The following CPT1A variants were observed in gnomAD, a reference collection of about 807,000 sequenced individuals.
CPT1A encodes carnitine O-palmitoyltransferase 1, liver isoform.
CPT1A carries 64 observed loss-of-function variants against 100.8 expected under a neutral mutation model. The ratio of observed to expected loss-of-function variants is 0.63; its 90% CI spans 0.52 to 0.78. CPT1A has a LOEUF of 0.78. Ranked by LOEUF, CPT1A falls within the 30% of genes least tolerant of loss-of-function variation. The pLI, the probability that CPT1A is intolerant of heterozygous loss-of-function variation, is 0.00. For missense variants in CPT1A, 802 were observed against 1,034.1 expected, an observed-to-expected ratio of 0.78 and a Z score of 3.08; for synonymous variants, 363 against 396.0, an observed-to-expected ratio of 0.92 and a Z score of 0.99.
chr11:68,784,694 A>G (rs1855404217), intron 10 of CPT1A, 121 bp downstream of exon 10: 2 of 971,692 alleles, frequency 2.1e-6, no homozygotes, highest in Non-Finnish European at 3.1e-6. Flanking sequence ...CCAGAGAAAA[A>G]CAGAGCCGAG....
At chr11:68,805,642 G>A (rs1055817000) in intron 4 of CPT1A, among the ~76,000 whole-genome samples, 1 of 152,144 alleles carries the variant, frequency 6.6e-6, no homozygotes, top group Non-Finnish European at 1.5e-5. Context: ...GGTCGGGGCA[G>A]ACAAGAAACC....
intron 14 of CPT1A, among the ~76,000 whole-genome samples, chr11:68,771,878 T>C (rs1854998562): frequency 6.6e-6 from 1 of 152,172 alleles, no homozygotes; most frequent in Non-Finnish European, 1.5e-5. Flanking sequence ...GAAAACAAGA[T>C]TTTCTGAGGC....
rs1388757542 is a variant in CPT1A at position 68,810,442 on chromosome 11, CTTT to C, written c.281+1992_281+1994del. On this transcript the variant is annotated intron_variant, in intron 3 of 18. Transcript: ENST00000265641. ...ATGCTTCTGCTAAAATGACTGGGAA[CTTT>C]TATTATGTTTCTTGCAGACTCTTAT... Among the ~76,000 whole-genome samples, 4 of 152,124 alleles carry C rather than the reference CTTT, an allele frequency of 2.6e-5. No homozygotes were observed. The East Asian group carries it at 7.7e-4, about 29-fold the overall frequency.
At chr11:68,842,927 G>T (rs1403244366), upstream of CPT1A, among the ~76,000 whole-genome samples, 1 of 152,228 alleles carries the variant, frequency 6.6e-6, no homozygotes, top group Non-Finnish European at 1.5e-5. Context: ...TCTGCATACA[G>T]CAGGTGCTCC....
At position 68,765,571 on chromosome 11, in the gene CPT1A, A is replaced by G. The variant is rs187567263; in HGVS notation, c.1741-2810T>C. The stretch of plus-strand genomic sequence containing the variant: ...GGCATCACACACTAGCACTGTTACT[A>G]TGGGGCTAATGATTCAGGTTGGTAG... On this transcript the variant is annotated intron_variant, in intron 14 of 18. Transcript: ENST00000265641. Among the ~76,000 whole-genome samples, 33 of 152,320 alleles carry G rather than the reference A, an allele frequency of 2.2e-4. No individual in the cohort carries two copies. In the East Asian group the frequency reaches 4.0e-3, roughly 19 times the overall value.
chr11:68,835,419 A>C (rs1856985734), intron 1 of CPT1A, among the ~76,000 whole-genome samples: 1 of 152,242 alleles, frequency 6.6e-6, no homozygotes. Context: ...TTTGCACAGA[A>C]TATAACAACT....
At chr11:68,791,004 A>G (rs1470003457) in intron 9 of CPT1A, among the ~76,000 whole-genome samples, 1 of 151,892 alleles carries the variant, frequency 6.6e-6, no homozygotes, top group Non-Finnish European at 1.5e-5. Flanking sequence ...TTGTATTTTC[A>G]GTAGAGATGG....
intron 5 of CPT1A, among the ~76,000 whole-genome samples, chr11:68,800,242 A>G (rs952669133): frequency 6.6e-6 from 1 of 152,164 alleles, no homozygotes; most frequent in Admixed American, 6.6e-5. Flanking sequence ...GTCCTTTTAC[A>G]TGTGCTACTT....
chr11:68,771,520 G>C (rs949837803), intron 14 of CPT1A, among the ~76,000 whole-genome samples: 2 of 152,102 alleles, frequency 1.3e-5, no homozygotes, highest in African/African-American at 4.8e-5. Context: ...TTAATCACAT[G>C]ATCTTTAGTC....
chr11:68,771,334 G>A (rs1231123664), intron 14 of CPT1A, among the ~76,000 whole-genome samples: 1 of 152,126 alleles, frequency 6.6e-6, no homozygotes, highest in Non-Finnish European at 1.5e-5. Flanking sequence ...TACTTGCAGG[G>A]AATTCTTTTA....
intron 1 of CPT1A, among the ~76,000 whole-genome samples, chr11:68,817,757 G>T (rs1337560264): frequency 6.7e-6 from 1 of 148,528 alleles, no homozygotes; most frequent in Non-Finnish European, 1.5e-5. Context: ...TGTTGGGGGG[G>T]GGTCAGTGGC....
chr11:68,774,119 A>C (rs1734433429), intron 13 of CPT1A, among the ~76,000 whole-genome samples: 1 of 152,222 alleles, frequency 6.6e-6, no homozygotes, highest in Non-Finnish European at 1.5e-5. Context: ...CTCGCACTTA[A>C]TCTCCCAAGT....
chr11:68,791,340 G>A (rs533820151), intron 9 of CPT1A, among the ~76,000 whole-genome samples: 1 of 152,166 alleles, frequency 6.6e-6, no homozygotes, highest in Non-Finnish European at 1.5e-5. Context: ...TCCAATCAGG[G>A]AGACACTGTG....
intron 1 of CPT1A, among the ~76,000 whole-genome samples, chr11:68,823,682 G>A (rs368882663): frequency 2.0e-5 from 3 of 151,936 alleles, no homozygotes; most frequent in South Asian, 2.1e-4. Flanking sequence ...CCAGCTACTC[G>A]GGAGGCCAAG....
chr11:68,763,795 G>A (rs1466474546), intron 14 of CPT1A, among the ~76,000 whole-genome samples: 2 of 152,164 alleles, frequency 1.3e-5, no homozygotes, highest in African/African-American at 2.4e-5. Flanking sequence ...GAGGGGAGAC[G>A]AGCCAGCTGT....
intron 1 of CPT1A, among the ~76,000 whole-genome samples, chr11:68,835,171 T>C (rs760453592): frequency 3.9e-5 from 6 of 152,222 alleles, no homozygotes; most frequent in Non-Finnish European, 7.3e-5. Flanking sequence ...CCCAGTTATC[T>C]GACCTAGCTA....
At chr11:68,779,861 T>C (rs1855258280) in intron 12 of CPT1A, among the ~76,000 whole-genome samples, 1 of 151,822 alleles carries the variant, frequency 6.6e-6, no homozygotes, top group Admixed American at 6.6e-5. Context: ...CAGGGGTTTG[T>C]GGTTTTCAAA....
intron 13 of CPT1A, chr11:68,773,954 C>T (rs555211686): frequency 9.9e-5 from 19 of 192,728 alleles, no homozygotes; most frequent in Middle Eastern, 2.3e-3. Flanking sequence ...AGTGAGCATG[C>T]GCACAACTCC....
intron 8 of CPT1A, 29 bp downstream of exon 8, chr11:68,794,775 A>C (rs1046886504): frequency 6.4e-7 from 1 of 1,550,594 alleles, no homozygotes; most frequent in East Asian, 2.2e-5. Context: ...GTTTGAAAAT[A>C]ATTTTTTTAA....
Sources: allele counts gnomAD v4.1 joint callset (sites outside exome capture counted in the v4.1 genomes callset), GRCh38; gene constraint gnomAD v4.1.1; transcripts MANE v1.5; gene names NCBI Gene and HGNC (gene_info 2026-07-23, HGNC 2026-07-21).